CARS1: variants seen among roughly 807,000 people sequenced by gnomAD.
CARS1 encodes the protein cysteine--tRNA ligase, cytoplasmic.
CARS1 carries 48 observed loss-of-function variants against 106.2 expected under a neutral mutation model. The observed-to-expected ratio is 0.45, with a 90% CI of 0.36 to 0.57. The LOEUF is 0.57. Among genes scored for constraint, CARS1 ranks in the 20% least tolerant of loss-of-function variants. The probability of loss-of-function intolerance (pLI) is 0.00; values close to 1 mark genes in which losing one functional copy is unlikely to be tolerated. For synonymous variants in CARS1, 409 were observed against 403.4 expected (o/e 1.01, Z -0.17); for missense variants, 968 against 1,057.2 (o/e 0.92, Z 1.17).
chr11:3,019,371 T>C lies in CARS1; in HGVS notation c.1267-104A>G. 1 of 1,232,398 alleles carries C rather than the reference T, an allele frequency of 8.1e-7. No homozygotes were observed. The highest frequency in any genetic ancestry group is 1.0e-6 in the Non-Finnish European group (1 of 955,130). 76.3% of individuals were successfully genotyped at this position (1,232,398 alleles called of 1,614,324 possible). ...TGGCCCTTACATCCTCTGAACTTTA[T>C]TGGAACAAGCGTTAAATCCCGCACA... On this transcript the variant is annotated intron_variant, in intron 11 of 22. Coordinates refer to ENST00000380525, the MANE Select transcript of CARS1 (RefSeq NM_001014437.3). This position sits in a 1 kb window ranked among gnomAD's most constrained non-coding sequence, Gnocchi z 6.2.
At chr11:3,024,856 G>A (rs1458305744) in intron 10 of CARS1, among the ~76,000 whole-genome samples, 1 of 152,186 alleles carries the variant, frequency 6.6e-6, no homozygotes, top group Non-Finnish European at 1.5e-5. Context: ...ATCTTTCTGT[G>A]GCCTGGCATA....
rs115177824 is a variant in CARS1, at chr11:3,006,210, C to G, written c.2149+669G>C. Among the ~76,000 whole-genome samples the G allele has an allele frequency of 8.5e-3, 1,293 of 152,274 alleles. 20 individuals carry two copies. The highest frequency in any genetic ancestry group is 0.03 in the African/African-American group (1,228 of 41,554). On this transcript the variant is annotated intron_variant, in intron 19 of 22. Transcript: ENST00000380525. ...ATGTGGCTCATGCCACTTTAGGAGG[C>G]CGAGGTGGGCAGATTACTTGAGGTC...
In CARS1 at chr11:3,001,132, CT is replaced by C; in HGVS notation, c.2477del (p.Gln826ArgfsTer12). ...KLYKEYLQMA[Q>X]NGSFQ The stretch of plus-strand genomic sequence containing the variant: ...TGCCCCCTCACTGGAAGCTTCCATT[CT>C]GGGCCATCTGCAGATATTCCTTGTA... On this transcript the variant is annotated frameshift_variant, in exon 23 of 23. Transcript: ENST00000380525. LOFTEE classifies it high-confidence loss of function. 1 of 1,614,084 alleles carries C rather than the reference CT, an allele frequency of 6.2e-7. No individual in the cohort carries two copies.
chr11:3,036,195 G>A (rs1015174807), intron 7 of CARS1, among the ~76,000 whole-genome samples: 4 of 152,216 alleles, frequency 2.6e-5, no homozygotes, highest in Non-Finnish European at 4.4e-5. Context: ...TGAAGACTCC[G>A]CCTGAGCTTC....
chr11:3,015,046 C>T (rs1345952817), intron 17 of CARS1, among the ~76,000 whole-genome samples: 2 of 152,192 alleles, frequency 1.3e-5, no homozygotes, highest in Non-Finnish European at 2.9e-5. Flanking sequence ...CTTTAAGAAG[C>T]CTGACTGTGG....
At chr11:3,057,236 T>C (rs943504733) in intron 1 of CARS1, 107 bp downstream of exon 1, 2 of 985,326 alleles carry the variant, frequency 2.0e-6, no homozygotes, top group East Asian at 2.6e-5. Context: ...TCAGAACCCA[T>C]GCACCCGGGC....
At position 3,005,342 on chromosome 11, in the gene CARS1, T is replaced by G. The variant is rs774456974; in HGVS notation, c.2217+24A>C. ...TTTACATTTTCAACAAATATCACGC[T>G]TAAGTCATTTTCACTTTACTCACCC... On this transcript the variant is annotated intron_variant, in intron 20 of 22. Coordinates refer to ENST00000380525, the MANE Select transcript of CARS1 (RefSeq NM_001014437.3). 77 of 1,557,032 alleles carry G rather than the reference T, an allele frequency of 4.9e-5. No individual in the cohort carries two copies. The South Asian group carries it at 8.5e-4, about 17-fold the overall frequency.
intron 7 of CARS1, among the ~76,000 whole-genome samples, chr11:3,033,681 GAAGAA>G (rs762652924): frequency 5.9e-5 from 9 of 152,254 alleles, no homozygotes; most frequent in African/African-American, 1.7e-4. Context: ...AAAGGAAAAA[GAAGAA>G]AAGAAGGAAT....
rs1849656456 is a variant in CARS1 at position 3,004,341 on chromosome 11, C to T, written c.2217+1025G>A. 6.6e-6 allele frequency among the ~76,000 whole-genome samples: 1 copy of T among 152,248 alleles called. No homozygotes were observed. Reference sequence around the variant, plus strand: ...TCTGGCATGAGCTCTCCCCTCGTGCCTTGGGCCAGTGCAGGGCTAGGCATA... The same window carrying T: ...TCTGGCATGAGCTCTCCCCTCGTGCTTTGGGCCAGTGCAGGGCTAGGCATA... On this transcript the variant is annotated intron_variant, in intron 20 of 22. Coordinates refer to ENST00000380525, the MANE Select transcript of CARS1 (RefSeq NM_001014437.3). This position sits in a 1 kb window ranked among gnomAD's most constrained non-coding sequence, Gnocchi z 5.2.
In CARS1 at chr11:3,022,688, T is replaced by C. The variant is rs189690574; in HGVS notation, c.1154-2356A>G. Reference sequence around the variant, plus strand: ...TTCATACCAGCACAACAGGGTCCTGTTCTCTCCCACTGGGGGAGCTTCCTC... The same window carrying C: ...TTCATACCAGCACAACAGGGTCCTGCTCTCTCCCACTGGGGGAGCTTCCTC... On this transcript the variant is annotated intron_variant, in intron 10 of 22. Transcript: ENST00000380525. The surrounding 1 kb of genome is among the most constrained non-coding windows in gnomAD (Gnocchi z 4.9). Among the ~76,000 whole-genome samples, 90 of 152,344 alleles carry C rather than the reference T, an allele frequency of 5.9e-4. No homozygotes were observed. Among genetic ancestry groups the C allele is most frequent in the Non-Finnish European group, 8.5e-4 (58 of 68,026 alleles).
chr11:3,024,047 C>T (rs1262005181), intron 10 of CARS1, among the ~76,000 whole-genome samples: 2 of 152,178 alleles, frequency 1.3e-5, no homozygotes, highest in Non-Finnish European at 2.9e-5. Context: ...CATGCGCCAC[C>T]ACACCCGGCT....
chr11:3,002,125 G>A, intron 21 of CARS1, 72 bp from the exon 22 acceptor site: 1 of 992,862 alleles, frequency 1.0e-6, no homozygotes. Flanking sequence ...AACGACATCT[G>A]CTCATACCTC....
chr11:3,015,807 C>A lies in CARS1; in HGVS notation c.1960G>T (p.Val654Phe). ...VEEDSSLGFP[V>F]GGPGTSLSLE... is the part of the protein sequence containing the mutation. ...CTGAGGCTGGTTCCAGGCCCTCCGA[C>A]CGGGAATCCCAGGGAGCTGTCCTCT... Residue 654 changes from valine to phenylalanine, a missense_variant, in exon 17 of 23, where the codon GTC becomes TTC. Val to Phe is a conservative substitution (Grantham distance 50). Coordinates refer to ENST00000380525, the MANE Select transcript of CARS1 (RefSeq NM_001014437.3). 6.2e-7 allele frequency: 1 copy of A among 1,614,160 alleles called. No individual in the cohort carries two copies. Among genetic ancestry groups the A allele is most frequent in the Non-Finnish European group, 8.5e-7 (1 of 1,180,026 alleles).
chr11:3,011,692 A>T (rs1388654033), intron 18 of CARS1, among the ~76,000 whole-genome samples: 1 of 152,182 alleles, frequency 6.6e-6, no homozygotes, highest in Non-Finnish European at 1.5e-5. Flanking sequence ...CCCAAGTTCA[A>T]GCATTCATCT....
chr11:3,038,206 C>CCT lies in CARS1; in HGVS notation c.652-8_652-7insAG, dbSNP rs769244271. On this transcript the variant is annotated splice_polypyrimidine_tract_variant and splice_region_variant and intron_variant, in intron 6 of 22. Coordinates refer to ENST00000380525, the MANE Select transcript of CARS1 (RefSeq NM_001014437.3). The surrounding 1 kb of genome is among the most constrained non-coding windows in gnomAD (Gnocchi z 4.0). The stretch of plus-strand genomic sequence containing the variant: ...TTAATTTTACTGAAAATGGCTGCAA[C>CCT]CATAAAGAGACGTCAAATCTATTAG... 1 of 1,612,986 alleles carries CCT rather than the reference C, an allele frequency of 6.2e-7. No homozygotes were observed. Among genetic ancestry groups the CCT allele is most frequent in the Non-Finnish European group, 8.5e-7 (1 of 1,179,142 alleles).
rs745802327 is a variant in CARS1, at chr11:3,023,384, A to G, written c.1154-3052T>C. ...TCCATTTTTGTCTTGTTATTCAAAC[A>G]TACATACATACATACATACATTCAA... On this transcript the variant is annotated intron_variant, in intron 10 of 22. Coordinates refer to ENST00000380525, the MANE Select transcript of CARS1 (RefSeq NM_001014437.3). 3.2e-4 allele frequency among the ~76,000 whole-genome samples: 48 copies of G among 152,168 alleles called. 1 individual carries two copies. Among genetic ancestry groups the G allele is most frequent in the Non-Finnish European group, 6.8e-4 (46 of 68,030 alleles).
Position 3,042,175 on chromosome 11 carries a change from G to A in CARS1, c.356C>T (p.Thr119Ile). ...CTGTGTTCTCCTTACCTTGTTCCTG[G>A]TGAGGCTGTTGTAAAGGTGGAGTCT... Reference protein sequence around the residue: ...PCRLHLYNSLTRNKEVFIPQD... With the variant: ...PCRLHLYNSLIRNKEVFIPQD... The change falls in exon 3 of 23, where the codon ACC (threonine) becomes ATC (isoleucine). Residue 119 changes from threonine (T) to isoleucine (I), a missense_variant. Physicochemically the swap from Thr to Ile is moderately conservative, Grantham distance 89. Transcript: ENST00000380525. 1 of 1,613,620 alleles carries A rather than the reference G, an allele frequency of 6.2e-7. No homozygotes were observed.
intron 21 of CARS1, chr11:3,002,331 G>A: frequency 8.2e-6 from 7 of 849,920 alleles, no homozygotes; most frequent in Non-Finnish European, 1.3e-5. Flanking sequence ...TGACCACATG[G>A]CACAGCCTTC....
Position 3,041,371 on chromosome 11 carries a change from C to A in CARS1, c.367-387G>T, listed in dbSNP as rs1471471396. On this transcript the variant is annotated intron_variant, in intron 3 of 22. Transcript: ENST00000380525. The surrounding 1 kb of genome is among the most constrained non-coding windows in gnomAD (Gnocchi z 4.9). Reference sequence around the variant, plus strand: ...ATTCAATATGCAGTACACTCTAGGACGTAGGTTATGTCATTTTCTTTTTAC... The same window carrying A: ...ATTCAATATGCAGTACACTCTAGGAAGTAGGTTATGTCATTTTCTTTTTAC... The A allele has an allele frequency of 6.6e-5, 12 of 181,416 alleles. No individual in the cohort carries two copies. Among genetic ancestry groups the A allele is most frequent in the South Asian group, 3.4e-4 (3 of 8,704 alleles). The allele number at this position is 181,416 out of a possible 1,614,324, so 11.2% of individuals were successfully genotyped here. A position where few individuals can be genotyped will look rare whatever the true frequency, so the allele number is the denominator to read the frequency against.
Sources: gnomAD v4.1 joint callset for allele counts (sites outside exome capture counted in the v4.1 genomes callset) on GRCh38, gnomAD v4.1.1 for gene constraint, Gnocchi (gnomAD v3.1) non-coding constraint, MANE v1.5 for transcripts, NCBI Gene and HGNC (gene_info 2026-07-23, HGNC 2026-07-21) for gene names.